Variants in OSBPL6 observed in about 807,000 individuals in gnomAD.
OSBPL6 encodes oxysterol binding protein like 6, also known as oxysterol-binding protein-related protein 6.
OSBPL6 carries 49 observed loss-of-function variants against 125.8 expected under a neutral mutation model. That is an observed-to-expected ratio of 0.39 (90% CI 0.31 to 0.49). OSBPL6 has a LOEUF of 0.49. OSBPL6 is among the 20% of genes least tolerant of loss of function. The probability of loss-of-function intolerance (pLI) is 0.88; values close to 1 mark genes in which losing one functional copy is unlikely to be tolerated. For missense variants in OSBPL6, 986 were observed against 1,135.4 expected (o/e 0.87, Z 1.89); for synonymous variants, 394 against 391.8 (o/e 1.01, Z -0.07).
In OSBPL6 at chr2:178,339,759, C is replaced by T. The variant is rs1257328358; in HGVS notation, c.982C>T (p.Leu328=). The change falls in exon 11 of 25, where the codon CTG becomes TTG. Residue 328 remains leucine, a synonymous_variant. Transcript: ENST00000190611. Reference sequence around the variant, plus strand: ...TGTCAGCAAAGATACAAAAATACAACTGCAGGTACAGATTTTACTTTTCCT... The same window carrying T: ...TGTCAGCAAAGATACAAAAATACAATTGCAGGTACAGATTTTACTTTTCCT... ...KSVSKDTKIQ[L]QVPFSATMSP... is the part of the protein sequence containing the mutation. The T allele has an allele frequency of 1.9e-6, 3 of 1,597,578 alleles. No homozygotes were observed. The highest frequency in any genetic ancestry group is 2.3e-5 in the South Asian group (2 of 88,116).
intron 1 of OSBPL6, among the ~76,000 whole-genome samples, chr2:178,281,967 T>C (rs753089399): frequency 2.0e-5 from 3 of 152,062 alleles, no homozygotes; most frequent in South Asian, 4.1e-4. Context: ...AGGAAAAAAA[T>C]TGTTTGCACA....
intron 1 of OSBPL6, among the ~76,000 whole-genome samples, chr2:178,209,439 CTTTTTTTTTT>C (rs71850875): frequency 1.0e-5 from 1 of 95,758 alleles, no homozygotes; most frequent in African/African-American, 3.9e-5. Context: ...TTCTTTCTTT[CTTTTTTTTTT>C]TTTTTTTTTT....
chr2:178,365,296 C>T (rs1692725982), intron 13 of OSBPL6, among the ~76,000 whole-genome samples: 1 of 152,174 alleles, frequency 6.6e-6, no homozygotes, highest in Non-Finnish European at 1.5e-5. Context: ...TTCAACAAGG[C>T]TTTAAATATA....
At position 178,349,408 on chromosome 2, in the gene OSBPL6, C is replaced by T. The variant is rs148538838; in HGVS notation, c.1153+19C>T. 9.4e-5 allele frequency: 152 copies of T among 1,609,356 alleles called. No homozygotes were observed. Among genetic ancestry groups the T allele is most frequent in the South Asian group, 3.9e-4 (35 of 90,808 alleles). On this transcript the variant is annotated intron_variant, in intron 12 of 24. Coordinates refer to ENST00000190611, the MANE Select transcript of OSBPL6 (RefSeq NM_032523.4). ...CAGAAAGGTAAGAACAAAAATAATG[C>T]GCCCTTTAAAGAAGCTCTCTTCTTT...
intron 13 of OSBPL6, among the ~76,000 whole-genome samples, chr2:178,362,645 G>A (rs1692456964): frequency 6.6e-6 from 1 of 152,198 alleles, no homozygotes; most frequent in African/African-American, 2.4e-5. Flanking sequence ...GGTTCTCCGC[G>A]TGGAGCAGAT....
At chr2:178,261,849 A>T (rs1330463988) in intron 1 of OSBPL6, among the ~76,000 whole-genome samples, 1 of 152,210 alleles carries the variant, frequency 6.6e-6, no homozygotes, top group East Asian at 1.9e-4. Context: ...AAGGGATTTT[A>T]TCTCTAGAAA....
At chr2:178,343,144 A>G (rs550377143) in intron 11 of OSBPL6, among the ~76,000 whole-genome samples, 18 of 152,344 alleles carry the variant, frequency 1.2e-4, no homozygotes, top group African/African-American at 3.4e-4. Flanking sequence ...ACATCCCAAA[A>G]AAAACTAAAG....
At chr2:178,220,312 G>A (rs1337000419) in intron 1 of OSBPL6, among the ~76,000 whole-genome samples, 2 of 151,936 alleles carry the variant, frequency 1.3e-5, no homozygotes, top group Non-Finnish European at 2.9e-5. Flanking sequence ...CTGGGGAGGC[G>A]GGTGGACAGG....
chr2:178,285,244 T>A, intron 2 of OSBPL6, 123 bp downstream of exon 2: 1 of 395,030 alleles, frequency 2.5e-6, no homozygotes, highest in Non-Finnish European at 4.5e-6. Flanking sequence ...TATCTCTTAT[T>A]TGTATGTCAG....
intron 22 of OSBPL6, among the ~76,000 whole-genome samples, chr2:178,391,644 G>A (rs1695413918): frequency 6.6e-6 from 1 of 152,154 alleles, no homozygotes; most frequent in Non-Finnish European, 1.5e-5. Flanking sequence ...ACCAGAATAA[G>A]TAATCTTTTC....
chr2:178,262,347 T>A (rs928816895), intron 1 of OSBPL6, among the ~76,000 whole-genome samples: 1 of 152,162 alleles, frequency 6.6e-6, no homozygotes, highest in Non-Finnish European at 1.5e-5. Context: ...GTGAAATAAT[T>A]GTTTGAGTAT....
Position 178,246,043 on chromosome 2 carries a change from T to C in OSBPL6, c.-350-38884T>C, listed in dbSNP as rs374490436. Among the ~76,000 whole-genome samples, 89 of 152,218 alleles carry C rather than the reference T, an allele frequency of 5.8e-4. 2 individuals carry two copies. The South Asian group carries it at 0.011, about 18-fold the overall frequency. ...TAGCCTCCATCTGGTCCCTGGCCCT[T>C]TCCTCTCTCACTCCATCAGTTACAT... On this transcript the variant is annotated intron_variant, in intron 1 of 24. Coordinates refer to ENST00000190611, the MANE Select transcript of OSBPL6 (RefSeq NM_032523.4).
At chr2:178,244,373 C>G (rs2091415315) in intron 1 of OSBPL6, among the ~76,000 whole-genome samples, 1 of 152,140 alleles carries the variant, frequency 6.6e-6, no homozygotes, top group Admixed American at 6.5e-5. Flanking sequence ...TAATCATAGG[C>G]TTAGCTATTT....
At position 178,213,839 on chromosome 2, in the gene OSBPL6, C is replaced by G. The variant is rs2089974729; in HGVS notation, c.-351+19165C>G. Among the ~76,000 whole-genome samples the G allele has an allele frequency of 2.6e-5, 4 of 152,110 alleles. No homozygotes were observed. The South Asian group carries it at 6.2e-4, about 24-fold the overall frequency. On this transcript the variant is annotated intron_variant, in intron 1 of 24. Coordinates refer to ENST00000190611, the MANE Select transcript of OSBPL6 (RefSeq NM_032523.4). ...CTGCATAAGGCCTTTGCACATGTGTCTGCTGTGACTGGACTGCTCTTCCTC... is the reference window on the plus strand; with the variant it reads ...CTGCATAAGGCCTTTGCACATGTGTGTGCTGTGACTGGACTGCTCTTCCTC...
chr2:178,219,482 G>A (rs540696613), intron 1 of OSBPL6, among the ~76,000 whole-genome samples: 135 of 152,312 alleles, frequency 8.9e-4, no homozygotes, highest in African/African-American at 3.1e-3. Context: ...TAGCACCCTA[G>A]GGGCCAAGGG....
At chr2:178,351,411 T>G (rs1264560219) in intron 12 of OSBPL6, among the ~76,000 whole-genome samples, 1 of 151,524 alleles carries the variant, frequency 6.6e-6, no homozygotes, top group Non-Finnish European at 1.5e-5. Context: ...GGATATACAA[T>G]GAACATACAA....
chr2:178,255,314 AAAAAACAAAAAACAAAC>A (rs998557123), intron 1 of OSBPL6, among the ~76,000 whole-genome samples: 2 of 152,154 alleles, frequency 1.3e-5, no homozygotes, highest in East Asian at 3.9e-4. Context: ...TCTCAAAAAC[AAAAAACAAAAAACAAAC>A]AAAAACAAAA....
At chr2:178,226,438 G>C (rs557960930) in intron 1 of OSBPL6, among the ~76,000 whole-genome samples, 1 of 152,330 alleles carries the variant, frequency 6.6e-6, no homozygotes, top group African/African-American at 2.4e-5. Context: ...CAATGGGTCT[G>C]GGGTGGGAAG....
intron 3 of OSBPL6, among the ~76,000 whole-genome samples, chr2:178,317,768 G>A (rs1262994478): frequency 2.0e-5 from 3 of 150,962 alleles, no homozygotes; most frequent in South Asian, 4.2e-4. Flanking sequence ...GCAAAATCAC[G>A]TAAGTGATTA....
Sources: gnomAD v4.1 joint callset for allele counts (sites outside exome capture counted in the v4.1 genomes callset) on GRCh38, gnomAD v4.1.1 for gene constraint, MANE v1.5 for transcripts, NCBI Gene and HGNC (gene_info 2026-07-23, HGNC 2026-07-21) for gene names.